The following CLPTM1 variants were observed in gnomAD, a reference collection of about 807,000 sequenced individuals.
The protein encoded by CLPTM1 is putative lipid scramblase CLPTM1.
In CLPTM1, 21 loss-of-function variants were observed where a neutral mutation model predicts 77.3. That is an observed-to-expected ratio of 0.27 (90% confidence interval 0.19 to 0.39). CLPTM1 has a LOEUF of 0.39. CLPTM1 is among the 10% of genes least tolerant of loss of function. The pLI is 1.00. For missense variants in CLPTM1, 642 were observed against 921.2 expected (o/e 0.70, Z 3.92); for synonymous variants, 373 against 381.0 (o/e 0.98, Z 0.24).
intron 2 of CLPTM1, among the ~76,000 whole-genome samples, chr19:44,967,564 G>A (rs963777762): frequency 3.3e-5 from 5 of 151,912 alleles, no homozygotes; most frequent in African/African-American, 1.2e-4. Context: ...GGCTGAGGCA[G>A]GAGAATCGCT....
intron 8 of CLPTM1, 57 bp downstream of exon 8, chr19:44,987,480 A>G (rs1004104177): frequency 6.3e-7 from 1 of 1,599,616 alleles, no homozygotes. Context: ...GCAAGAGGCC[A>G]AGAGGAAGTG....
In CLPTM1 at chr19:44,986,542, G is replaced by C. The variant is rs1298268625; in HGVS notation, c.760G>C (p.Val254Leu). 1 of 1,613,932 alleles carries C rather than the reference G, an allele frequency of 6.2e-7. No individual in the cohort carries two copies. Among genetic ancestry groups the C allele is most frequent in the African/African-American group, 1.3e-5 (1 of 74,918 alleles). Residue 254 changes from valine to leucine, a missense_variant, in exon 7 of 14, where the codon GTG (valine) becomes CTG (leucine). Physicochemically the swap from Val to Leu is conservative, Grantham distance 32. This residue lies in a region of CLPTM1 where 521 missense variants were observed against 800.4 expected (regional missense o/e 0.65). Transcript: ENST00000337392. ...INIVDDHTPW[V>L]KGSVPPPLDQ... is the part of the protein sequence containing the mutation. ...CATCGTGGACGACCACACGCCGTGG[G>C]TGAAGGGCAGTGTGCCCCCTCCCCT... is the stretch of plus-strand genomic sequence containing the variant.
At chr19:44,966,967 G>A (rs555299411) in intron 2 of CLPTM1, among the ~76,000 whole-genome samples, 5 of 152,012 alleles carry the variant, frequency 3.3e-5, no homozygotes, top group East Asian at 1.9e-4. Context: ...TCAGCCTCCC[G>A]AGTAGCTGGG....
At chr19:44,962,241 T>C (rs1250958465) in intron 2 of CLPTM1, among the ~76,000 whole-genome samples, 166 bp downstream of exon 2, 2 of 152,160 alleles carry the variant, frequency 1.3e-5, no homozygotes, top group Non-Finnish European at 2.9e-5. Context: ...ACCTTTTTTT[T>C]ACTCTGGTAA....
At chr19:44,974,238 T>C (rs1970770065) in intron 3 of CLPTM1, among the ~76,000 whole-genome samples, 1 of 152,190 alleles carries the variant, frequency 6.6e-6, no homozygotes, top group Non-Finnish European at 1.5e-5. Context: ...GTTCGTTGAC[T>C]TCACAGGCTC....
At chr19:44,955,649 C>A in intron 1 of CLPTM1, 182 bp downstream of exon 1, 1 of 535,340 alleles carries the variant, frequency 1.9e-6, no homozygotes, top group Non-Finnish European at 2.8e-6. Flanking sequence ...GGGAACAGGG[C>A]CCTGTTGCGG....
intron 5 of CLPTM1, among the ~76,000 whole-genome samples, chr19:44,982,027 T>G (rs1970905262): frequency 6.6e-6 from 1 of 152,018 alleles, no homozygotes; most frequent in Non-Finnish European, 1.5e-5. Context: ...TTTTACATTT[T>G]TGTTTCCCCT....
At chr19:44,985,149 G>T (rs1258754876) in intron 5 of CLPTM1, 69 bp from the exon 6 acceptor site, 3 of 1,120,650 alleles carry the variant, frequency 2.7e-6, no homozygotes, top group Non-Finnish European at 4.1e-6. Flanking sequence ...GTGGGCAGGG[G>T]TCCGGGCTCT....
rs1971096246 is a variant in CLPTM1, at chr19:44,992,663, C to T, written c.1776C>T (p.Pro592=). ...LYQRWIYRVD[P]TRVNEFGMSG... ...AACGGTGGATCTACCGCGTCGACCC[C>T]ACCCGAGTCAACGAGTTTGGCATGA... Residue 592 remains proline, a synonymous_variant, in exon 14 of 14, where the codon CCC becomes CCT. Coordinates refer to ENST00000337392, the MANE Select transcript of CLPTM1 (RefSeq NM_001294.4). The surrounding 1 kb of genome is among the most constrained non-coding windows in gnomAD (Gnocchi z 7.7). The T allele has an allele frequency of 8.7e-6, 14 of 1,613,994 alleles. No homozygotes were observed. Among genetic ancestry groups the T allele is most frequent in the African/African-American group, 2.7e-5 (2 of 75,032 alleles).
Position 44,990,077 on chromosome 19 carries a change from G to T in CLPTM1, c.1133-318G>T. ...CTCAGGGAAGCAGCTTCCCTGACCA[G>T]TCCTTAGCACCTGGCACGTGGTGAG... On this transcript the variant is annotated intron_variant, in intron 9 of 13. Coordinates refer to ENST00000337392, the MANE Select transcript of CLPTM1 (RefSeq NM_001294.4). The surrounding 1 kb of genome is among the most constrained non-coding windows in gnomAD (Gnocchi z 4.8). 2.8e-6 allele frequency: 1 copy of T among 359,232 alleles called. No homozygotes were observed. Among genetic ancestry groups the T allele is most frequent in the Non-Finnish European group, 5.1e-6 (1 of 197,650 alleles). 22.3% of individuals were successfully genotyped at this position (359,232 alleles called of 1,614,324 possible). A position where few individuals can be genotyped will look rare whatever the true frequency, so the allele number is the denominator to read the frequency against.
intron 2 of CLPTM1, among the ~76,000 whole-genome samples, chr19:44,966,363 A>G (rs570573158): frequency 9.2e-4 from 140 of 152,224 alleles, no homozygotes; most frequent in African/African-American, 3.3e-3. Context: ...GTGTGCCAAG[A>G]TGCCGCCACT....
intron 2 of CLPTM1, among the ~76,000 whole-genome samples, chr19:44,969,910 A>G (rs1486846041): frequency 6.8e-6 from 1 of 147,356 alleles, no homozygotes; most frequent in Non-Finnish European, 1.5e-5. Flanking sequence ...TTGGTCTCGA[A>G]CTCCTGACCT....
At chr19:44,966,992 C>T (rs1970641771) in intron 2 of CLPTM1, among the ~76,000 whole-genome samples, 1 of 152,098 alleles carries the variant, frequency 6.6e-6, no homozygotes, top group Non-Finnish European at 1.5e-5. Context: ...CAGGCGCCCG[C>T]CACAGCGCCC....
chr19:44,988,759 A>G (rs1369428481), intron 9 of CLPTM1, among the ~76,000 whole-genome samples: 1 of 152,214 alleles, frequency 6.6e-6, no homozygotes, highest in African/African-American at 2.4e-5. Flanking sequence ...TTCCAGCCCC[A>G]ACTCTCATCT....
At position 44,993,156 on chromosome 19, in the gene CLPTM1, G is replaced by A. The variant is rs1456464836; in HGVS notation, c.*259G>A. 2 of 464,570 alleles carry A rather than the reference G, an allele frequency of 4.3e-6. No homozygotes were observed. The highest frequency in any genetic ancestry group is 6.6e-5 in the East Asian group (1 of 15,076). The allele number at this position is 464,570 out of a possible 1,614,324, so 28.8% of individuals were successfully genotyped here. Reference sequence around the variant, plus strand: ...CAGCCCAGCACCACTGGGAATCATGGTGAAGCTGATGCAGCGTTGCCGAGG... The same window carrying A: ...CAGCCCAGCACCACTGGGAATCATGATGAAGCTGATGCAGCGTTGCCGAGG... On this transcript the variant is annotated 3_prime_UTR_variant, in exon 14 of 14. Coordinates refer to ENST00000337392, the MANE Select transcript of CLPTM1 (RefSeq NM_001294.4).
At chr19:44,986,114 G>A (rs749157714) in intron 6 of CLPTM1, among the ~76,000 whole-genome samples, 5 of 152,164 alleles carry the variant, frequency 3.3e-5, no homozygotes, top group Non-Finnish European at 7.3e-5. Flanking sequence ...TTGGGAGGCC[G>A]AAGCAGAAGG....
chr19:44,987,067 G>C (rs1410560929), intron 7 of CLPTM1, 112 bp from the exon 8 acceptor site: 4 of 1,373,636 alleles, frequency 2.9e-6, no homozygotes, highest in Middle Eastern at 3.9e-4. Flanking sequence ...AATGTCCCCT[G>C]TCCTCCAGTC....
intron 2 of CLPTM1, among the ~76,000 whole-genome samples, chr19:44,969,705 T>G (rs1225975796): frequency 7.3e-6 from 1 of 136,658 alleles, no homozygotes; most frequent in African/African-American, 2.8e-5. Flanking sequence ...TTTTTTTTTT[T>G]GAGATGGAGT....
intron 4 of CLPTM1, 117 bp from the exon 5 acceptor site, chr19:44,977,226 T>C: frequency 1.3e-6 from 1 of 774,390 alleles, no homozygotes; most frequent in East Asian, 2.5e-5. Flanking sequence ...GAGTACTCAG[T>C]AAATGGCCAG....
Sources: allele counts gnomAD v4.1 joint callset (sites outside exome capture counted in the v4.1 genomes callset), GRCh38; gene constraint gnomAD v4.1.1; regional missense constraint gnomAD v4.1.1; non-coding constraint Gnocchi (gnomAD v3.1); transcripts MANE v1.5; gene names NCBI Gene and HGNC (gene_info 2026-07-23, HGNC 2026-07-21).